C12orf57: variants seen among roughly 807,000 people sequenced by gnomAD.
The protein encoded by C12orf57 is chromosome 12 open reading frame 57.
In C12orf57, 14 loss-of-function variants were observed where a neutral mutation model predicts 11.3. That is an observed-to-expected ratio of 1.24 (90% CI 0.82 to 1.94). The LOEUF (loss-of-function observed/expected upper bound fraction) is 1.94. Among genes scored for constraint, C12orf57 ranks in the 30% most tolerant of loss-of-function variants. The pLI is 0.00. For synonymous variants in C12orf57, 100 were observed against 74.6 expected, an observed-to-expected ratio of 1.34 and a Z score of -1.76; for missense variants, 229 against 172.4, an observed-to-expected ratio of 1.33 and a Z score of -1.84.
Position 6,944,079 on chromosome 12 carries a change from G to A in C12orf57, c.-43G>A, listed in dbSNP as rs376919198. Reference sequence around the variant, plus strand: ...GTAGGACGTGGCTCTTTATTCGTGAGTTTTCCATTTACCTCCGCTGAACCT... The same window carrying A: ...GTAGGACGTGGCTCTTTATTCGTGAATTTTCCATTTACCTCCGCTGAACCT... On this transcript the variant is annotated 5_prime_UTR_variant, in exon 1 of 3. Coordinates refer to ENST00000229281, the MANE Select transcript of C12orf57 (RefSeq NM_138425.4). 7.4e-6 allele frequency: 12 copies of A among 1,613,854 alleles called. No individual in the cohort carries two copies. The East Asian group carries it at 1.1e-4, about 15-fold the overall frequency.
At chr12:6,944,870 C>G (rs1945760630) in intron 2 of C12orf57, 1 of 1,410,646 alleles carries the variant, frequency 7.1e-7, no homozygotes, top group South Asian at 1.6e-5. Flanking sequence ...TATCCCTTAC[C>G]CGAAATGGTT....
chr12:6,945,863 C>T lies in C12orf57; in HGVS notation c.322C>T (p.Pro108Ser), dbSNP rs782496684. 2 of 1,613,568 alleles carry T rather than the reference C, an allele frequency of 1.2e-6. No homozygotes were observed. The highest frequency in any genetic ancestry group is 3.3e-5 in the Admixed American group (2 of 59,974). Residue 108 changes from proline to serine, a missense_variant, in exon 3 of 3, where the codon CCG becomes TCG. Coordinates refer to ENST00000229281, the MANE Select transcript of C12orf57 (RefSeq NM_138425.4). ...LSGKLKALFL[P>S]PMTLPPHGPA... ...AGGCAAGCTGAAGGCGCTGTTTCTG[C>T]CGCCCATGACCCTGCCACCCCATGG...
Position 6,944,028 on chromosome 12 carries a change from C to A in C12orf57, c.-94C>A, listed in dbSNP as rs185327609. 248 of 1,608,188 alleles carry A rather than the reference C, an allele frequency of 1.5e-4. 1 individual carries two copies. In the African/African-American group the frequency reaches 2.8e-3, roughly 18 times the overall value. ...GCTGCGCCGGATGCTGTTTCCTTTC[C>A]GCTCCCAGGGGCGTTGGGAACGGTT... On this transcript the variant is annotated 5_prime_UTR_variant, in exon 1 of 3. Transcript: ENST00000229281.
chr12:6,943,838 T>G (rs1188326126), upstream of C12orf57: 8 of 869,728 alleles, frequency 9.2e-6, no homozygotes, highest in Middle Eastern at 3.7e-4. Context: ...TCTTTTAGAA[T>G]TTGTCTAGTA....
chr12:6,945,621 C>T (rs1382137010), intron 2 of C12orf57, 150 bp from the exon 3 acceptor site: 2 of 797,528 alleles, frequency 2.5e-6, no homozygotes, highest in South Asian at 1.5e-5. Context: ...TCATCCAAAC[C>T]ACACGGGACA....
chr12:6,943,978 T>G (rs782342521), upstream of C12orf57: 14 of 1,574,368 alleles, frequency 8.9e-6, no homozygotes, highest in East Asian at 1.6e-4. Context: ...GGTATGAAGG[T>G]TTGGGCCACG....
chr12:6,943,873 G>T, upstream of C12orf57: 5 of 966,078 alleles, frequency 5.2e-6, no homozygotes, highest in Non-Finnish European at 7.3e-6. Flanking sequence ...TTACCGGAAA[G>T]CCCCTCTTAT....
upstream of C12orf57, chr12:6,943,627 A>T (rs782154913): frequency 5.4e-6 from 7 of 1,289,466 alleles, no homozygotes; most frequent in Middle Eastern, 2.1e-4. Flanking sequence ...TGGGCTGAGA[A>T]CAAATGTTCG....
At chr12:6,943,794 T>C (rs1021076752), upstream of C12orf57, 8 of 935,772 alleles carry the variant, frequency 8.5e-6, no homozygotes, top group Non-Finnish European at 1.2e-5. Context: ...ATATCCCATC[T>C]TCTCTCCAAA....
At chr12:6,943,921 A>C (rs782017296), upstream of C12orf57, 7 of 1,301,216 alleles carry the variant, frequency 5.4e-6, no homozygotes, top group Admixed American at 2.7e-5. Flanking sequence ...TTCACTGTGC[A>C]AAAATTATGG....
At chr12:6,944,351 G>T (rs1423489110) in intron 1 of C12orf57, 125 bp from the exon 2 acceptor site, 1 of 1,555,506 alleles carries the variant, frequency 6.4e-7, no homozygotes. Context: ...TTGCCCCCAA[G>T]ACTTGGGATC....
Position 6,945,761 on chromosome 12 carries a change from C to T in C12orf57, c.230-10C>T, listed in dbSNP as rs1177142890. 1.7e-5 allele frequency: 27 copies of T among 1,613,116 alleles called. No individual in the cohort carries two copies. Among genetic ancestry groups the T allele is most frequent in the Non-Finnish European group, 2.3e-5 (27 of 1,179,690 alleles). ...TAGGAGAAGGGTTGACCTTCCACTC[C>T]CTCTTGCAGGTGTCCTTAAGTTTGC... is the stretch of plus-strand genomic sequence containing the variant. On this transcript the variant is annotated splice_polypyrimidine_tract_variant and intron_variant, in intron 2 of 2. Coordinates refer to ENST00000229281, the MANE Select transcript of C12orf57 (RefSeq NM_138425.4).
In C12orf57 at chr12:6,945,895, T is replaced by C; in HGVS notation, c.354T>C (p.Ala118=). ...TGACCCTGCCACCCCATGGGCCTGC[T>C]GCTGGTGGCAGCGTGGCCGCCTCCT... ...PPMTLPPHGP[A]AGGSVAAS The change falls in exon 3 of 3, where the codon GCT becomes GCC. Residue 118 remains alanine (A), a synonymous_variant. Transcript: ENST00000229281. The C allele has an allele frequency of 1.2e-6, 2 of 1,613,250 alleles. No individual in the cohort carries two copies. Among genetic ancestry groups the C allele is most frequent in the Non-Finnish European group, 1.7e-6 (2 of 1,179,882 alleles).
chr12:6,943,887 G>A (rs188983803), upstream of C12orf57: 716 of 1,048,726 alleles, frequency 6.8e-4, 15 homozygotes, highest in Admixed American at 0.018. Context: ...CTCTTATGAT[G>A]TTTGTTGCCA....
rs1945796235 is a variant in C12orf57, at chr12:6,945,927, T to C, written c.*5T>C. Reference sequence around the variant, plus strand: ...GGCAGCGTGGCCGCCTCCTGAGAGTTGGCCCTCCCTTGTGCCACTGCCAGG... The same window carrying C: ...GGCAGCGTGGCCGCCTCCTGAGAGTCGGCCCTCCCTTGTGCCACTGCCAGG... On this transcript the variant is annotated 3_prime_UTR_variant, in exon 3 of 3. Coordinates refer to ENST00000229281, the MANE Select transcript of C12orf57 (RefSeq NM_138425.4). 1 of 1,609,558 alleles carries C rather than the reference T, an allele frequency of 6.2e-7. No individual in the cohort carries two copies.
chr12:6,944,048 A>T lies in C12orf57; in HGVS notation c.-74A>T. On this transcript the variant is annotated 5_prime_UTR_variant, in exon 1 of 3. Transcript: ENST00000229281. Reference sequence around the variant, plus strand: ...CTTTCCGCTCCCAGGGGCGTTGGGAACGGTTGTAGGACGTGGCTCTTTATT... The same window carrying T: ...CTTTCCGCTCCCAGGGGCGTTGGGATCGGTTGTAGGACGTGGCTCTTTATT... 1 of 1,611,698 alleles carries T rather than the reference A, an allele frequency of 6.2e-7. No homozygotes were observed. Among genetic ancestry groups the T allele is most frequent in the Non-Finnish European group, 8.5e-7 (1 of 1,179,456 alleles).
upstream of C12orf57, chr12:6,943,895 C>T (rs144953190): frequency 1.0e-3 from 1,095 of 1,082,598 alleles, 7 homozygotes; most frequent in African/African-American, 0.011. Context: ...ATGTTTGTTG[C>T]CAATGATAGA....
In C12orf57 at chr12:6,944,151, C is replaced by T. The variant is rs199643110; in HGVS notation, c.30C>T (p.Ala10=). ...CGTCCGCCTCGACCCAACCGGCGGC[C>T]TTGAGCGCTGAGCAAGCAAAGGGTG... The part of the protein sequence containing the change: MASASTQPA[A]LSAEQAKVVL... The change falls in exon 1 of 3, where the codon GCC becomes GCT. Residue 10 remains alanine (A), a synonymous_variant. Transcript: ENST00000229281. 3.5e-4 allele frequency: 568 copies of T among 1,614,246 alleles called. 6 individuals carry two copies. In the South Asian group the frequency reaches 6.0e-3, roughly 17 times the overall value.
Position 6,944,606 on chromosome 12 carries a change from C to G in C12orf57, c.183C>G (p.Ile61Met), listed in dbSNP as rs781858933. 3.0e-5 allele frequency: 48 copies of G among 1,614,032 alleles called. No individual in the cohort carries two copies. The highest frequency in any genetic ancestry group is 4.1e-5 in the Non-Finnish European group (48 of 1,180,030). The change falls in exon 2 of 3, where the codon ATC (isoleucine) becomes ATG (methionine). Residue 61 changes from isoleucine (I) to methionine (M), a missense_variant. Transcript: ENST00000229281. ...TCGTGCTGCCCGTGGCCACGCAGATCCAGCAGGAGGTTATCAAAGCCTATG... is the reference window on the plus strand; with the variant it reads ...TCGTGCTGCCCGTGGCCACGCAGATGCAGCAGGAGGTTATCAAAGCCTATG... ...LQFVLPVATQ[I>M]QQEVIKAYGF... is the part of the protein sequence containing the mutation.
Sources: gnomAD v4.1 joint callset for allele counts on GRCh38, gnomAD v4.1.1 for gene constraint, MANE v1.5 for transcripts, NCBI Gene and HGNC (gene_info 2026-07-23, HGNC 2026-07-21) for gene names.